ARMH3: variants seen among roughly 807,000 people sequenced by gnomAD.
ARMH3 encodes armadillo like helical domain containing 3.
A neutral mutation model predicts 99.1 loss-of-function variants in ARMH3; 60 were observed. The ratio of observed to expected loss-of-function variants is 0.61; its 90% CI spans 0.49 to 0.75. The LOEUF (loss-of-function observed/expected upper bound fraction) is 0.75. ARMH3 is among the 30% of genes least tolerant of loss of function. The pLI is 0.00. For synonymous variants in ARMH3, 285 were observed against 292.8 expected (o/e 0.97, Z 0.27); for missense variants, 679 against 843.1 (o/e 0.81, Z 2.41).
intron 24 of ARMH3, among the ~76,000 whole-genome samples, chr10:101,886,296 T>G (rs1679268445): frequency 2.6e-5 from 4 of 151,248 alleles, no homozygotes; most frequent in African/African-American, 9.7e-5. Context: ...GGTGGCTCAT[T>G]TGAGGTCAGG....
chr10:101,870,915 G>A (rs1049220683), intron 24 of ARMH3, among the ~76,000 whole-genome samples: 2 of 151,956 alleles, frequency 1.3e-5, no homozygotes, highest in African/African-American at 2.4e-5. Flanking sequence ...ACTCTAGCCT[G>A]GATGACAGAG....
intron 24 of ARMH3, among the ~76,000 whole-genome samples, chr10:101,864,479 A>G (rs2066952826): frequency 6.6e-6 from 1 of 152,226 alleles, no homozygotes; most frequent in African/African-American, 2.4e-5. Flanking sequence ...AATAGCAAAG[A>G]TTTGGAACCA....
At chr10:101,929,308 T>C (rs1286837367) in intron 23 of ARMH3, among the ~76,000 whole-genome samples, 1 of 152,240 alleles carries the variant, frequency 6.6e-6, no homozygotes, top group African/African-American at 2.4e-5. Context: ...CTGTGGGCTA[T>C]TAGCTCACCA....
chr10:101,872,388 T>C (rs901077848), intron 24 of ARMH3, among the ~76,000 whole-genome samples: 3 of 152,096 alleles, frequency 2.0e-5, no homozygotes, highest in Non-Finnish European at 2.9e-5. Context: ...AAAGAAGATA[T>C]ATAATGGCCA....
chr10:101,950,979 T>TA (rs1310968760), intron 22 of ARMH3, among the ~76,000 whole-genome samples: 6 of 152,158 alleles, frequency 3.9e-5, no homozygotes, highest in Admixed American at 2.6e-4. Flanking sequence ...GCTGTCATAT[T>TA]AAAAAAATTT....
chr10:101,976,133 C>T (rs559862563), intron 19 of ARMH3, among the ~76,000 whole-genome samples: 12 of 132,238 alleles, frequency 9.1e-5, no homozygotes, highest in African/African-American at 2.5e-4. Context: ...CACGCCATTG[C>T]GCTCCAGCCT....
chr10:102,034,155 T>C (rs556094649), intron 2 of ARMH3, among the ~76,000 whole-genome samples: 1 of 152,374 alleles, frequency 6.6e-6, no homozygotes, highest in East Asian at 1.9e-4. Flanking sequence ...CTGTGTTGAC[T>C]GCTTCTACTT....
chr10:101,886,152 T>C (rs987601484), intron 24 of ARMH3, among the ~76,000 whole-genome samples: 1 of 151,784 alleles, frequency 6.6e-6, no homozygotes, highest in African/African-American at 2.4e-5. Flanking sequence ...AGCTTCACAA[T>C]TAACCCCAGA....
intron 24 of ARMH3, among the ~76,000 whole-genome samples, chr10:101,856,203 A>T (rs2066734069): frequency 6.6e-6 from 1 of 152,200 alleles, no homozygotes; most frequent in Non-Finnish European, 1.5e-5. Flanking sequence ...GACAATTTTC[A>T]ATACTAGCAG....
chr10:102,045,054 T>C lies in ARMH3; in HGVS notation c.-11-4929A>G, dbSNP rs533124408. Among the ~76,000 whole-genome samples the C allele has an allele frequency of 4.1e-5, 6 of 147,196 alleles. No individual in the cohort carries two copies. In the South Asian group the frequency reaches 1.3e-3, roughly 31 times the overall value. ...GGGACGCTGAAACAGGAGGATGTCT[T>C]GAGCCCAGGAGGCAAAGGTTGCAGT... On this transcript the variant is annotated intron_variant, in intron 1 of 25. Coordinates refer to ENST00000370033, the MANE Select transcript of ARMH3 (RefSeq NM_024541.3).
At chr10:101,991,884 C>T (rs1409238660) in intron 18 of ARMH3, 85 bp downstream of exon 18, 7 of 1,233,352 alleles carry the variant, frequency 5.7e-6, no homozygotes, top group East Asian at 2.3e-5. Context: ...GGAAGAAGCA[C>T]ATCAAACAGG....
At chr10:101,926,422 C>T (rs759719586) in intron 23 of ARMH3, among the ~76,000 whole-genome samples, 21 of 151,964 alleles carry the variant, frequency 1.4e-4, no homozygotes, top group Non-Finnish European at 2.5e-4. Flanking sequence ...CCTCCCAAAG[C>T]GCTGGGATTA....
At chr10:101,875,323 T>C (rs1250926098) in intron 24 of ARMH3, among the ~76,000 whole-genome samples, 1 of 152,050 alleles carries the variant, frequency 6.6e-6, no homozygotes, top group Non-Finnish European at 1.5e-5. Flanking sequence ...CTCCCTCCAC[T>C]GGGTGCTTAT....
At chr10:102,011,688 T>G (rs779693388) in intron 11 of ARMH3, 35 bp downstream of exon 11, 2 of 1,563,176 alleles carry the variant, frequency 1.3e-6, no homozygotes, top group African/African-American at 2.8e-5. Flanking sequence ...ACTGTTTCTG[T>G]TTTTTTCAGG....
At chr10:101,935,196 T>TATATATATATATATATATATATATATAC (rs1843907895) in intron 23 of ARMH3, among the ~76,000 whole-genome samples, 1 of 147,612 alleles carries the variant, frequency 6.8e-6, no homozygotes, top group Non-Finnish European at 1.5e-5. Flanking sequence ...TATATATATA[T>TATATATATATATATATATATATATATAC]ATACATTTTT....
At chr10:102,033,218 G>A (rs762782437) in intron 3 of ARMH3, 46 bp from the exon 4 acceptor site, 27 of 1,613,484 alleles carry the variant, frequency 1.7e-5, no homozygotes, top group Middle Eastern at 1.6e-4. Context: ...TTAGCTTAGC[G>A]CCTAGAATAT....
At chr10:101,915,932 T>C (rs892297185) in intron 23 of ARMH3, among the ~76,000 whole-genome samples, 3 of 151,062 alleles carry the variant, frequency 2.0e-5, no homozygotes, top group Admixed American at 6.6e-5. Flanking sequence ...GCCTCCGGAG[T>C]AGCTGGAACT....
At chr10:101,995,695 G>T (rs1426939414) in intron 15 of ARMH3, among the ~76,000 whole-genome samples, 1 of 152,116 alleles carries the variant, frequency 6.6e-6, no homozygotes, top group Non-Finnish European at 1.5e-5. Context: ...GAATAGTCAG[G>T]TCCATTTCCT....
intron 5 of ARMH3, among the ~76,000 whole-genome samples, chr10:102,025,785 G>A (rs986169110): frequency 1.3e-5 from 2 of 152,022 alleles, no homozygotes; most frequent in Admixed American, 6.6e-5. Context: ...GAATAGCTAG[G>A]ACCACAGATG....
Sources: gnomAD v4.1 joint callset for allele counts (sites outside exome capture counted in the v4.1 genomes callset) on GRCh38, gnomAD v4.1.1 for gene constraint, MANE v1.5 for transcripts, NCBI Gene and HGNC (gene_info 2026-07-23, HGNC 2026-07-21) for gene names.